The following ACP3 variants were observed in gnomAD, a reference collection of about 807,000 sequenced individuals.
ACP3 encodes the protein prostatic acid phosphatase.
ACP3 carries 38 observed loss-of-function variants against 45.6 expected under a neutral mutation model. That is an observed-to-expected ratio of 0.83 (90% confidence interval 0.64 to 1.09). The LOEUF is 1.09. Ranked by LOEUF, ACP3 falls within the 50% of genes least tolerant of loss-of-function variation. The pLI, the probability that ACP3 is intolerant of heterozygous loss-of-function variation, is 0.00. For synonymous variants in ACP3, 162 were observed against 164.7 expected (o/e 0.98, Z 0.13); for missense variants, 466 against 463.2 (o/e 1.01, Z -0.05).
At position 132,349,922 on chromosome 3, in the gene ACP3, G is replaced by A. The variant is rs1385925211; in HGVS notation, c.784G>A (p.Val262Ile). The A allele has an allele frequency of 2.5e-6, 4 of 1,609,976 alleles. No individual in the cohort carries two copies. In the African/African-American group the frequency reaches 5.3e-5, roughly 22 times the overall value. ...QKEKSRLQGG[V>I]LVNEILNHMK... ...GTTATTGATTCATCTTCTTTAAGGT[G>A]TCCTGGTCAATGAAATCCTCAATCA... The change falls in exon 8 of 10, where the codon GTC becomes ATC. Residue 262 changes from valine (V) to isoleucine (I), a missense_variant and splice_region_variant. By Grantham distance (29) the Val-to-Ile change is conservative. Transcript: ENST00000336375.
chr3:132,332,427 G>C (rs1937417399), intron 4 of ACP3, 83 bp downstream of exon 4: 5 of 1,456,380 alleles, frequency 3.4e-6, no homozygotes, highest in Non-Finnish European at 4.8e-6. Context: ...GGATTTGGGA[G>C]TCTGGACACT....
intron 6 of ACP3, 125 bp from the exon 7 acceptor site, chr3:132,344,801 TA>T: frequency 9.0e-7 from 1 of 1,113,268 alleles, no homozygotes; most frequent in Non-Finnish European, 1.3e-6. Context: ...GAAGTTCTTT[TA>T]GAAAGAAATG....
At chr3:132,350,525 A>G (rs1181557386) in intron 8 of ACP3, among the ~76,000 whole-genome samples, 3 of 152,330 alleles carry the variant, frequency 2.0e-5, no homozygotes. Flanking sequence ...TAAATTAATT[A>G]TGATTAAGTA....
Position 132,358,254 on chromosome 3 carries a change from A to G in ACP3, c.*1376A>G. On this transcript the variant is annotated 3_prime_UTR_variant, in exon 10 of 10. Transcript: ENST00000336375. Reference sequence around the variant, plus strand: ...CAAAAAAAGGAAGGAAGGGACACATATCAAACTGAAACAAAATTAGAAATG... The same window carrying G: ...CAAAAAAAGGAAGGAAGGGACACATGTCAAACTGAAACAAAATTAGAAATG... 2.7e-6 allele frequency: 3 copies of G among 1,124,430 alleles called. No homozygotes were observed. Among genetic ancestry groups the G allele is most frequent in the Non-Finnish European group, 3.3e-6 (3 of 905,612 alleles). 69.7% of individuals were successfully genotyped at this position (1,124,430 alleles called of 1,614,324 possible).
chr3:132,362,744 G>C (rs1938065871), downstream of ACP3, among the ~76,000 whole-genome samples: 1 of 152,236 alleles, frequency 6.6e-6, no homozygotes, highest in Non-Finnish European at 1.5e-5. Flanking sequence ...GGATGTTACA[G>C]ACAAAAGAGG....
At chr3:132,325,533 A>G (rs886925936) in intron 1 of ACP3, among the ~76,000 whole-genome samples, 7 of 150,860 alleles carry the variant, frequency 4.6e-5, no homozygotes, top group African/African-American at 1.7e-4. Flanking sequence ...TCAATAATAT[A>G]CATAGTTCAC....
At chr3:132,325,956 G>C (rs926750135) in intron 1 of ACP3, among the ~76,000 whole-genome samples, 2 of 152,220 alleles carry the variant, frequency 1.3e-5, no homozygotes, top group Non-Finnish European at 2.9e-5. Context: ...AGGACAAAGT[G>C]AGTGTTCAAA....
chr3:132,339,868 C>T (rs572016869), intron 5 of ACP3, among the ~76,000 whole-genome samples: 11 of 152,190 alleles, frequency 7.2e-5, no homozygotes, highest in African/African-American at 2.4e-4. Flanking sequence ...AAAGTCCCAA[C>T]GCTCTAATCC....
At chr3:132,351,277 C>G (rs1050729627) in intron 8 of ACP3, among the ~76,000 whole-genome samples, 1 of 152,188 alleles carries the variant, frequency 6.6e-6, no homozygotes, top group Non-Finnish European at 1.5e-5. Flanking sequence ...TTAGAAAAGG[C>G]TTTCATCTTG....
intron 1 of ACP3, among the ~76,000 whole-genome samples, chr3:132,324,399 C>T (rs899676842): frequency 1.3e-5 from 2 of 152,000 alleles, no homozygotes; most frequent in African/African-American, 4.8e-5. Flanking sequence ...AAAACAGTTA[C>T]CTATGATTTA....
chr3:132,340,794 G>T (rs1937545475), intron 5 of ACP3, among the ~76,000 whole-genome samples: 1 of 152,038 alleles, frequency 6.6e-6, no homozygotes, highest in Non-Finnish European at 1.5e-5. Context: ...TTTATAATAT[G>T]CTTTAATATC....
At chr3:132,330,877 C>G (rs1173150071) in intron 2 of ACP3, among the ~76,000 whole-genome samples, 1 of 152,204 alleles carries the variant, frequency 6.6e-6, no homozygotes, top group East Asian at 1.9e-4. Flanking sequence ...CAGGGCCCCA[C>G]TCAGGAACTA....
chr3:132,366,903 A>AT (rs148348060), intron 10 of ACP3, among the ~76,000 whole-genome samples: 88 of 152,278 alleles, frequency 5.8e-4, no homozygotes, highest in African/African-American at 2.0e-3. Context: ...GAAATCAGTG[A>AT]TTTTCACCTG....
rs1432542006 is a variant in ACP3 at position 132,328,297 on chromosome 3, G to T, written c.151G>T (p.Asp51Tyr). 1.7e-5 allele frequency: 27 copies of T among 1,613,884 alleles called. No homozygotes were observed. Among genetic ancestry groups the T allele is most frequent in the Non-Finnish European group, 2.3e-5 (27 of 1,179,862 alleles). ...VFRHGDRSPIDTFPTDPIKES... is the reference protein window; with the variant it reads ...VFRHGDRSPIYTFPTDPIKES... ...TCGGCATGGAGACCGAAGTCCCATT[G>T]ACACCTTTCCCACTGACCCCATAAA... Residue 51 changes from aspartate (D) to tyrosine (Y), a missense_variant, in exon 2 of 10, where the codon GAC becomes TAC. By Grantham distance (160) the Asp-to-Tyr change is radical. Coordinates refer to ENST00000336375, the MANE Select transcript of ACP3 (RefSeq NM_001099.5).
intron 4 of ACP3, chr3:132,332,657 G>A (rs1032597484): frequency 3.6e-4 from 89 of 249,350 alleles, no homozygotes; most frequent in African/African-American, 1.9e-3. Flanking sequence ...GTCCCCCAGT[G>A]TTCTGCCTTA....
intron 7 of ACP3, 76 bp downstream of exon 7, chr3:132,345,135 A>G: frequency 7.5e-7 from 1 of 1,337,936 alleles, no homozygotes; most frequent in South Asian, 1.3e-5. Context: ...CCCTCCACTA[A>G]TCAACTGTGT....
Position 132,337,464 on chromosome 3 carries a change from C to T in ACP3, c.465C>T (p.Tyr155=), listed in dbSNP as rs201115671. 9 of 1,607,080 alleles carry T rather than the reference C, an allele frequency of 5.6e-6. No homozygotes were observed. The Middle Eastern group carries it at 5.0e-4, about 88-fold the overall frequency. The change falls in exon 5 of 10, where the codon TAC becomes TAT. Residue 155 remains tyrosine (Y), a synonymous_variant. Transcript: ENST00000336375. ...TTTTCTCTTATCCTCAGTTGCTATA[C>T]CTGCCTTTCAGGAACTGCCCTCGTT... The part of the protein sequence containing the change: ...TVPLSEDQLL[Y]LPFRNCPRFQ...
intron 1 of ACP3, among the ~76,000 whole-genome samples, chr3:132,321,275 A>G (rs1481523697): frequency 6.6e-6 from 1 of 152,022 alleles, no homozygotes; most frequent in East Asian, 1.9e-4. Flanking sequence ...CCAGGAGTGC[A>G]AGACTCCAGG....
At chr3:132,346,514 G>A (rs1009740026) in intron 7 of ACP3, among the ~76,000 whole-genome samples, 1 of 152,210 alleles carries the variant, frequency 6.6e-6, no homozygotes, top group Non-Finnish European at 1.5e-5. Context: ...CTTGAGGAAG[G>A]GAGAGTCTCC....
Sources: allele counts gnomAD v4.1 joint callset (sites outside exome capture counted in the v4.1 genomes callset), GRCh38; gene constraint gnomAD v4.1.1; transcripts MANE v1.5; gene names NCBI Gene and HGNC (gene_info 2026-07-23, HGNC 2026-07-21).